PDE11A: variants seen among roughly 807,000 people sequenced by gnomAD.
PDE11A encodes dual 3',5'-cyclic-AMP and -GMP phosphodiesterase 11A.
A neutral mutation model predicts 100.5 loss-of-function variants in PDE11A; 100 were observed. The observed-to-expected ratio is 1.00, with a 90% confidence interval of 0.85 to 1.18. PDE11A has a LOEUF of 1.18. Among genes scored for constraint, PDE11A ranks in the 50% most tolerant of loss-of-function variants. PDE11A has a pLI of 0.00. For missense variants in PDE11A, 1,141 were observed against 1,152.6 expected (o/e 0.99, Z 0.15); for synonymous variants, 381 against 420.8 (o/e 0.91, Z 1.16).
chr2:177,967,864 T>C (rs754543311), intron 2 of PDE11A, among the ~76,000 whole-genome samples: 1 of 152,236 alleles, frequency 6.6e-6, no homozygotes, highest in Non-Finnish European at 1.5e-5. Context: ...TATTGCCATA[T>C]TAGATGTAAA....
At chr2:177,922,714 G>C (rs1341878671) in intron 2 of PDE11A, 1 of 985,184 alleles carries the variant, frequency 1.0e-6, no homozygotes, top group African/African-American at 1.7e-5. Flanking sequence ...CTACCTTTCT[G>C]GCTGTTCCAT....
intron 6 of PDE11A, among the ~76,000 whole-genome samples, chr2:177,838,290 T>C (rs2083436639): frequency 1.3e-5 from 2 of 152,294 alleles, no homozygotes; most frequent in South Asian, 4.1e-4. Flanking sequence ...ATAATCCAAT[T>C]AGATTGGCAA....
chr2:177,647,585 C>T (rs1183663253), intron 19 of PDE11A, among the ~76,000 whole-genome samples: 2 of 152,292 alleles, frequency 1.3e-5, no homozygotes, highest in African/African-American at 4.8e-5. Context: ...CTGAGCATTT[C>T]TTGCAAGAGT....
intron 10 of PDE11A, among the ~76,000 whole-genome samples, chr2:177,764,304 C>G (rs899389304): frequency 2.6e-5 from 4 of 152,150 alleles, no homozygotes; most frequent in Non-Finnish European, 5.9e-5. Flanking sequence ...ACCTGAGTTA[C>G]TGGTGCTTAA....
intron 12 of PDE11A, among the ~76,000 whole-genome samples, chr2:177,723,445 C>T (rs1574080089): frequency 1.3e-5 from 2 of 152,236 alleles, no homozygotes; most frequent in East Asian, 3.9e-4. Context: ...CGCCACGCTG[C>T]CTGCACCACC....
intron 4 of PDE11A, among the ~76,000 whole-genome samples, chr2:177,891,122 G>A (rs568680246): frequency 6.6e-6 from 1 of 152,160 alleles, no homozygotes; most frequent in African/African-American, 2.4e-5. Flanking sequence ...ATTTTAAGAG[G>A]AGGAGTTGCT....
chr2:177,997,487 T>C, intron 2 of PDE11A: 1 of 811,056 alleles, frequency 1.2e-6, no homozygotes, highest in South Asian at 1.4e-5. Context: ...GAAGAGATCC[T>C]TGATTAAAAC....
intron 2 of PDE11A, among the ~76,000 whole-genome samples, chr2:178,001,277 T>A (rs913199031): frequency 8.9e-6 from 1 of 112,640 alleles, no homozygotes; most frequent in Admixed American, 9.6e-5. Flanking sequence ...AATGTGAAAG[T>A]GTGTGTGTGT....
At chr2:177,655,545 CT>C (rs369321364) in intron 19 of PDE11A, among the ~76,000 whole-genome samples, 1 of 150,970 alleles carries the variant, frequency 6.6e-6, no homozygotes, top group Non-Finnish European at 1.5e-5. Flanking sequence ...TCCTTTCTTT[CT>C]TTTTTTTAAA....
At chr2:177,744,711 C>T (rs1253043597) in intron 10 of PDE11A, among the ~76,000 whole-genome samples, 3 of 152,182 alleles carry the variant, frequency 2.0e-5, no homozygotes, top group African/African-American at 7.2e-5. Flanking sequence ...CCCAGGGCCT[C>T]CCTAGCAATG....
At chr2:177,754,350 C>CAAAAAA in intron 10 of PDE11A, among the ~76,000 whole-genome samples, 1 of 152,178 alleles carries the variant, frequency 6.6e-6, no homozygotes, top group Middle Eastern at 3.4e-3. Flanking sequence ...AAAAAAAATG[C>CAAAAAA]AAAAACAAAA....
intron 4 of PDE11A, among the ~76,000 whole-genome samples, 181 bp from the exon 5 acceptor site, chr2:177,876,104 T>C (rs2084236915): frequency 1.3e-5 from 2 of 152,230 alleles, no homozygotes. Context: ...TCTTGTATCT[T>C]ATTTCTTACA....
chr2:177,946,854 C>T (rs1440981631), intron 2 of PDE11A, among the ~76,000 whole-genome samples: 1 of 93,686 alleles, frequency 1.1e-5, no homozygotes, highest in Non-Finnish European at 2.3e-5. Context: ...AGCCCCCCTG[C>T]CCGGCCAGCC....
intron 1 of PDE11A, among the ~76,000 whole-genome samples, chr2:178,029,314 T>A (rs1243519332): frequency 6.6e-6 from 1 of 152,224 alleles, no homozygotes; most frequent in African/African-American, 2.4e-5. Context: ...CAATGCACTT[T>A]AGTTAGGAAC....
chr2:177,819,267 T>C (rs1017062560), intron 7 of PDE11A, among the ~76,000 whole-genome samples: 4 of 152,078 alleles, frequency 2.6e-5, no homozygotes, highest in African/African-American at 7.2e-5. Context: ...AAAAACATTA[T>C]CTCAGAATTC....
At chr2:178,073,102 G>A, upstream of PDE11A, 1 of 983,448 alleles carries the variant, frequency 1.0e-6, no homozygotes, top group Non-Finnish European at 1.2e-6. Flanking sequence ...CGGGAGCCCA[G>A]TGGGAGTCCG....
intron 4 of PDE11A, among the ~76,000 whole-genome samples, chr2:177,878,906 T>C (rs2084285204): frequency 6.6e-6 from 1 of 152,204 alleles, no homozygotes; most frequent in African/African-American, 2.4e-5. Flanking sequence ...CAAATTTGAG[T>C]AAACACAGAC....
At chr2:177,659,755 G>T (rs1257580782) in intron 19 of PDE11A, among the ~76,000 whole-genome samples, 1 of 151,964 alleles carries the variant, frequency 6.6e-6, no homozygotes, top group East Asian at 1.9e-4. Context: ...AAGTTTGATT[G>T]TGTCTTTTTT....
At chr2:177,789,238 A>C (rs925268761) in intron 9 of PDE11A, among the ~76,000 whole-genome samples, 1 of 152,144 alleles carries the variant, frequency 6.6e-6, no homozygotes, top group African/African-American at 2.4e-5. Context: ...CTCAATATAC[A>C]CAAATCAATA....
Sources: gnomAD v4.1 joint callset for allele counts (sites outside exome capture counted in the v4.1 genomes callset) on GRCh38, gnomAD v4.1.1 for gene constraint, MANE v1.5 for transcripts, NCBI Gene and HGNC (gene_info 2026-07-23, HGNC 2026-07-21) for gene names.